The following MITF variants were observed in gnomAD, a reference collection of about 807,000 sequenced individuals.
MITF encodes melanocyte inducing transcription factor, also known as microphthalmia-associated transcription factor.
A neutral mutation model predicts 60.5 loss-of-function variants in MITF; 17 were observed. That is an observed-to-expected ratio of 0.28 (90% CI 0.19 to 0.42). The LOEUF (loss-of-function observed/expected upper bound fraction) is 0.42. Among genes scored for constraint, MITF ranks in the 10% least tolerant of loss-of-function variants. The pLI is 1.00. For synonymous variants in MITF, 260 were observed against 248.5 expected (o/e 1.05, Z -0.43); for missense variants, 622 against 683.5 (o/e 0.91, Z 1.00).
chr3:69,830,024 G>A (rs1388192180), intron 1 of MITF, among the ~76,000 whole-genome samples: 1 of 152,132 alleles, frequency 6.6e-6, no homozygotes, highest in African/African-American at 2.4e-5. Flanking sequence ...TTCAGCAGGA[G>A]GGACCGTGAT....
rs2066665669 is a variant in MITF, at chr3:69,965,369, T to C, written c.*121T>C. The stretch of plus-strand genomic sequence containing the variant: ...TTAATATGAAATTTTTTTTCATGCT[T>C]TATCAATAGCCCAGGATATATTTTA... On this transcript the variant is annotated 3_prime_UTR_variant, in exon 10 of 10. Coordinates refer to ENST00000352241, the MANE Select transcript of MITF (RefSeq NM_001354604.2). 1 of 984,146 alleles carries C rather than the reference T, an allele frequency of 1.0e-6. No homozygotes were observed. Among genetic ancestry groups the C allele is most frequent in the Non-Finnish European group, 1.5e-6 (1 of 661,070 alleles). 61.0% of individuals were successfully genotyped at this position (984,146 alleles called of 1,614,324 possible).
At chr3:69,796,172 G>C (rs2062824503) in intron 1 of MITF, among the ~76,000 whole-genome samples, 1 of 152,002 alleles carries the variant, frequency 6.6e-6, no homozygotes, top group Admixed American at 6.6e-5. Flanking sequence ...GTAAAGACAG[G>C]GTTTCTTCAT....
At chr3:69,810,620 C>A (rs1010087648) in intron 1 of MITF, among the ~76,000 whole-genome samples, 1 of 152,112 alleles carries the variant, frequency 6.6e-6, no homozygotes, top group Non-Finnish European at 1.5e-5. Context: ...AGGTGGAACA[C>A]ATATATTGCT....
chr3:69,961,906 T>C (rs2066559230), intron 9 of MITF, among the ~76,000 whole-genome samples: 1 of 152,198 alleles, frequency 6.6e-6, no homozygotes, highest in Non-Finnish European at 1.5e-5. Context: ...ATGGTGACGA[T>C]ATCTTGGTTT....
chr3:69,900,271 C>T (rs77903509), intron 2 of MITF, among the ~76,000 whole-genome samples: 13 of 152,134 alleles, frequency 8.5e-5, no homozygotes, highest in African/African-American at 1.9e-4. Flanking sequence ...CTGTTGCAGC[C>T]GGTTTATTTT....
chr3:69,741,640 G>A (rs768855579), intron 1 of MITF, among the ~76,000 whole-genome samples: 5 of 152,186 alleles, frequency 3.3e-5, no homozygotes, highest in Admixed American at 2.6e-4. Context: ...CTAGAAACAG[G>A]TGTGGGCCTG....
At chr3:69,917,806 T>TAGATCCTCCTTTAGAAAAGATAGAG (rs1395264464) in intron 2 of MITF, among the ~76,000 whole-genome samples, 46 of 152,328 alleles carry the variant, frequency 3.0e-4, no homozygotes, top group Non-Finnish European at 6.0e-4. Context: ...GGGATATGTA[T>TAGATCCTCCTTTAGAAAAGATAGAG]AGATCCTCCT....
At chr3:69,942,670 G>A (rs914090935) in intron 5 of MITF, among the ~76,000 whole-genome samples, 15 of 151,982 alleles carry the variant, frequency 9.9e-5, no homozygotes, top group African/African-American at 2.7e-4. Flanking sequence ...CATACTCTCC[G>A]AACCTCTTGG....
intron 1 of MITF, among the ~76,000 whole-genome samples, chr3:69,741,862 G>A (rs975703831): frequency 3.9e-5 from 6 of 152,276 alleles, no homozygotes; most frequent in Admixed American, 1.3e-4. Flanking sequence ...ATTGTTCAGG[G>A]CCTTCTCTCT....
At chr3:69,819,004 C>G (rs905437128) in intron 1 of MITF, among the ~76,000 whole-genome samples, 1 of 152,092 alleles carries the variant, frequency 6.6e-6, no homozygotes, top group African/African-American at 2.4e-5. Flanking sequence ...TTCAGTGTTC[C>G]TCAGTTCTAT....
At chr3:69,834,124 A>G (rs1001970943) in intron 1 of MITF, among the ~76,000 whole-genome samples, 1 of 152,236 alleles carries the variant, frequency 6.6e-6, no homozygotes, top group African/African-American at 2.4e-5. Flanking sequence ...CATAGTTAAC[A>G]TATCTGTCAT....
At chr3:69,963,945 A>G (rs988263133) in intron 9 of MITF, among the ~76,000 whole-genome samples, 1 of 143,024 alleles carries the variant, frequency 7.0e-6, no homozygotes, top group Non-Finnish European at 1.5e-5. Flanking sequence ...TGAACTCTTT[A>G]CTGAATATGT....
intron 2 of MITF, among the ~76,000 whole-genome samples, chr3:69,932,379 T>G (rs538492136): frequency 1.1e-3 from 174 of 152,342 alleles, no homozygotes; most frequent in Non-Finnish European, 9.1e-4. Flanking sequence ...AATATTCTTC[T>G]TTTCATTTTT....
At chr3:69,961,624 C>T (rs1475475379) in intron 9 of MITF, among the ~76,000 whole-genome samples, 1 of 151,444 alleles carries the variant, frequency 6.6e-6, no homozygotes, top group Non-Finnish European at 1.5e-5. Flanking sequence ...ATCCCAGCTA[C>T]TCATGAGGCT....
At chr3:69,941,208 C>G in intron 4 of MITF, 28 bp from the exon 5 acceptor site, 3 of 1,458,944 alleles carry the variant, frequency 2.1e-6, no homozygotes, top group Non-Finnish European at 2.9e-6. Context: ...TTATTTTTGT[C>G]TCTCTTCTCT....
intron 2 of MITF, among the ~76,000 whole-genome samples, chr3:69,918,519 C>T (rs977405560): frequency 1.3e-5 from 2 of 152,136 alleles, no homozygotes; most frequent in African/African-American, 4.8e-5. Context: ...TCACTGATAG[C>T]AGTGCATTGA....
intron 1 of MITF, among the ~76,000 whole-genome samples, chr3:69,822,884 G>T (rs1485694689): frequency 1.3e-5 from 2 of 149,714 alleles, no homozygotes; most frequent in African/African-American, 4.9e-5. Flanking sequence ...TGTTTCCAAG[G>T]TTTATTTATT....
chr3:69,901,630 G>A (rs2064997573), intron 2 of MITF, among the ~76,000 whole-genome samples: 1 of 152,122 alleles, frequency 6.6e-6, no homozygotes, highest in Non-Finnish European at 1.5e-5. Context: ...CTATTAGAGC[G>A]AGAATAGTTG....
At chr3:69,821,690 T>TAAAAA (rs72371556) in intron 1 of MITF, among the ~76,000 whole-genome samples, 9 of 113,250 alleles carry the variant, frequency 7.9e-5, no homozygotes, top group Non-Finnish European at 1.4e-4. Context: ...AAAAAAAAAC[T>TAAAAA]AAAAAAAAAA....
Sources: allele counts gnomAD v4.1 joint callset (sites outside exome capture counted in the v4.1 genomes callset), GRCh38; gene constraint gnomAD v4.1.1; transcripts MANE v1.5; gene names NCBI Gene and HGNC (gene_info 2026-07-23, HGNC 2026-07-21).